PLCG2: variants seen among roughly 807,000 people sequenced by gnomAD.
PLCG2 encodes phospholipase C gamma 2.
In PLCG2, 69 loss-of-function variants were observed where a neutral mutation model predicts 175.6. That is an observed-to-expected ratio of 0.39 (90% CI 0.32 to 0.48). The LOEUF (loss-of-function observed/expected upper bound fraction) is 0.48. Among genes scored for constraint, PLCG2 ranks in the 20% least tolerant of loss-of-function variants. The pLI is 0.91. For missense variants in PLCG2, 1,798 were observed against 1,650.9 expected (o/e 1.09, Z -1.54); for synonymous variants, 827 against 624.0 (o/e 1.33, Z -4.85).
intron 31 of PLCG2, among the ~76,000 whole-genome samples, chr16:81,954,183 G>C (rs1597155541): frequency 1.3e-5 from 2 of 151,964 alleles, no homozygotes. Flanking sequence ...CACCATGCCT[G>C]GCTAATTTCT....
rs74813431 is a variant in PLCG2 at position 81,766,542 on chromosome 16, T to A, written c.-48+10576T>A. 5.2e-3 allele frequency among the ~76,000 whole-genome samples: 792 copies of A among 152,126 alleles called. 3 individuals are homozygous for A. The highest frequency in any genetic ancestry group is 0.018 in the African/African-American group (742 of 41,494). On this transcript the variant is annotated intron_variant, in intron 2 of 5. Coordinates refer to the PLCG2 transcript ENST00000565054. ...GTCACCCTCCTCCAAGAAGCCTTTGTGACCACCACACAAAAACCCAGCCCT... is the reference window on the plus strand; with the variant it reads ...GTCACCCTCCTCCAAGAAGCCTTTGAGACCACCACACAAAAACCCAGCCCT...
intron 30 of PLCG2, among the ~76,000 whole-genome samples, chr16:81,942,879 C>T (rs1475748588): frequency 6.6e-6 from 1 of 151,834 alleles, no homozygotes; most frequent in Non-Finnish European, 1.5e-5. Context: ...TTCCCTTTCC[C>T]CAGTGAAATG....
intron 7 of PLCG2, among the ~76,000 whole-genome samples, chr16:81,878,219 A>G (rs934401669): frequency 7.3e-5 from 11 of 151,422 alleles, no homozygotes; most frequent in African/African-American, 2.4e-4. Flanking sequence ...CTCCTGACCT[A>G]GTGATCCGCC....
intron 2 of PLCG2, among the ~76,000 whole-genome samples, chr16:81,787,244 C>T (rs1339920361): frequency 6.6e-6 from 1 of 151,886 alleles, no homozygotes; most frequent in African/African-American, 2.4e-5. Flanking sequence ...TTTTTTGAGA[C>T]AAGGTCTCTT....
chr16:81,951,310 G>C (rs937995160), intron 31 of PLCG2, among the ~76,000 whole-genome samples: 5 of 152,106 alleles, frequency 3.3e-5, no homozygotes, highest in African/African-American at 4.8e-5. Flanking sequence ...AAAGAATAAA[G>C]AGGAAAAACA....
At chr16:81,827,130 C>T (rs1327943600) in intron 2 of PLCG2, among the ~76,000 whole-genome samples, 1 of 152,016 alleles carries the variant, frequency 6.6e-6, no homozygotes, top group Non-Finnish European at 1.5e-5. Flanking sequence ...AGGGGATGCC[C>T]CTCAACGGGA....
At chr16:81,935,940 G>T (rs1910692562) in intron 26 of PLCG2, 1 of 984,924 alleles carries the variant, frequency 1.0e-6, no homozygotes, top group Non-Finnish European at 1.2e-6. Context: ...AGTAATTCTA[G>T]CCTAAAAGGT....
At chr16:81,876,921 G>T (rs143991744) in intron 7 of PLCG2, among the ~76,000 whole-genome samples, 5 of 152,362 alleles carry the variant, frequency 3.3e-5, no homozygotes, top group Non-Finnish European at 5.9e-5. Flanking sequence ...TGTACGTGTA[G>T]TGTGGGATGC....
intron 1 of PLCG2, among the ~76,000 whole-genome samples, chr16:81,746,789 C>G (rs1909715965): frequency 6.6e-6 from 1 of 152,166 alleles, no homozygotes; most frequent in African/African-American, 2.4e-5. Context: ...GGTACAGTGC[C>G]TGACACACCT....
At chr16:81,896,412 ACACACACACACAC>A (rs1473510871) in intron 13 of PLCG2, among the ~76,000 whole-genome samples, 12 of 101,742 alleles carry the variant, frequency 1.2e-4, no homozygotes, top group African/African-American at 1.6e-4. Context: ...ACACACACAC[ACACACACACACAC>A]AAATCATCTG....
At chr16:81,821,564 G>A (rs1022054203) in intron 2 of PLCG2, among the ~76,000 whole-genome samples, 6 of 152,142 alleles carry the variant, frequency 3.9e-5, no homozygotes, top group African/African-American at 1.4e-4. Flanking sequence ...GGGGGCTCCT[G>A]GCTGCTCAGT....
intron 2 of PLCG2, among the ~76,000 whole-genome samples, chr16:81,851,124 C>A (rs1241274170): frequency 6.6e-6 from 1 of 152,138 alleles, no homozygotes; most frequent in Non-Finnish European, 1.5e-5. Context: ...TTTAGAGATA[C>A]CACCCCCCTA....
Position 81,938,863 on chromosome 16 carries a change from G to C in PLCG2, c.3261G>C (p.Val1087=), listed in dbSNP as rs368071289. The change falls in exon 29 of 33, where the codon GTG becomes GTC. Residue 1087 remains valine, a synonymous_variant. Transcript: ENST00000564138. ...GTATTGCCTGTCCCTTTGTAGAAGTGGAGATCTGTGGAGCCGAGTATGACA... is the reference window on the plus strand; with the variant it reads ...GTATTGCCTGTCCCTTTGTAGAAGTCGAGATCTGTGGAGCCGAGTATGACA... The part of the protein sequence containing the change: ...GRSIACPFVE[V]EICGAEYDNN... 47 of 1,613,760 alleles carry C rather than the reference G, an allele frequency of 2.9e-5. No homozygotes were observed. The highest frequency in any genetic ancestry group is 3.6e-5 in the Non-Finnish European group (43 of 1,179,796).
intron 2 of PLCG2, among the ~76,000 whole-genome samples, chr16:81,840,026 C>T (rs1183931389): frequency 1.3e-5 from 2 of 152,210 alleles, no homozygotes; most frequent in Admixed American, 1.3e-4. Context: ...CACTGCACTC[C>T]AGCCTGGGTG....
chr16:81,799,748 A>C (rs1205411468), intron 2 of PLCG2, among the ~76,000 whole-genome samples: 1 of 151,682 alleles, frequency 6.6e-6, no homozygotes, highest in Non-Finnish European at 1.5e-5. Flanking sequence ...GCCCGCCACC[A>C]CACTTGGCTA....
chr16:81,934,641 C>G (rs1328803045), intron 26 of PLCG2, 110 bp downstream of exon 26: 2 of 721,378 alleles, frequency 2.8e-6, no homozygotes, highest in Non-Finnish European at 4.8e-6. Context: ...TTCTTAACTA[C>G]TCCCAGTAGA....
intron 11 of PLCG2, among the ~76,000 whole-genome samples, chr16:81,893,457 A>T (rs1293736130): frequency 6.6e-6 from 1 of 152,036 alleles, no homozygotes; most frequent in Non-Finnish European, 1.5e-5. Context: ...CGTCCTCTCC[A>T]CGCTTGCATT....
chr16:81,830,526 T>G (rs1004001916), intron 2 of PLCG2, among the ~76,000 whole-genome samples: 1 of 152,142 alleles, frequency 6.6e-6, no homozygotes, highest in East Asian at 1.9e-4. Flanking sequence ...ATGCTGGTCT[T>G]GGAACTCCTG....
At chr16:81,923,341 T>C in intron 21 of PLCG2, 144 bp from the exon 22 acceptor site, 1 of 579,220 alleles carries the variant, frequency 1.7e-6, no homozygotes, top group Non-Finnish European at 3.1e-6. Flanking sequence ...GCAATGCCAG[T>C]CCCTCTCCAG....
Sources: gnomAD v4.1 joint callset for allele counts (sites outside exome capture counted in the v4.1 genomes callset) on GRCh38, gnomAD v4.1.1 for gene constraint, MANE v1.5 for transcripts, NCBI Gene and HGNC (gene_info 2026-07-23, HGNC 2026-07-21) for gene names.